The following TMEM245 variants were observed in gnomAD, a reference collection of about 807,000 sequenced individuals.
TMEM245 encodes transmembrane protein 245.
In TMEM245, 69 loss-of-function variants were observed where a neutral mutation model predicts 101.2. That is an observed-to-expected ratio of 0.68 (90% CI 0.56 to 0.83). TMEM245 has a LOEUF of 0.83. Among genes scored for constraint, TMEM245 ranks in the 40% least tolerant of loss-of-function variants. The probability of loss-of-function intolerance (pLI) is 0.00; values close to 1 mark genes in which losing one functional copy is unlikely to be tolerated. For synonymous variants in TMEM245, 537 were observed against 449.8 expected (o/e 1.19, Z -2.45); for missense variants, 1,075 against 1,092.8 (o/e 0.98, Z 0.23).
chr9:109,116,984 T>C (rs999597070), intron 1 of TMEM245, among the ~76,000 whole-genome samples: 1 of 152,190 alleles, frequency 6.6e-6, no homozygotes, highest in African/African-American at 2.4e-5. Context: ...CTTTCAAATT[T>C]AGCCCTTCTA....
intron 14 of TMEM245, among the ~76,000 whole-genome samples, chr9:109,040,958 G>A (rs1828283544): frequency 6.6e-6 from 1 of 152,148 alleles, no homozygotes; most frequent in African/African-American, 2.4e-5. Flanking sequence ...AAATACCTAG[G>A]AGTGGAGATA....
intron 3 of TMEM245, among the ~76,000 whole-genome samples, chr9:109,095,739 T>A (rs897515115): frequency 3.9e-5 from 6 of 152,176 alleles, no homozygotes; most frequent in Non-Finnish European, 8.8e-5. Flanking sequence ...ATTTGTCCAG[T>A]TTCCCCTGAC....
At chr9:109,044,765 T>G (rs1247662129) in intron 14 of TMEM245, among the ~76,000 whole-genome samples, 1 of 149,906 alleles carries the variant, frequency 6.7e-6, no homozygotes, top group African/African-American at 2.5e-5. Context: ...CATTTTGGTT[T>G]TTTTTTTTTT....
intron 12 of TMEM245, among the ~76,000 whole-genome samples, chr9:109,053,152 G>A (rs866648008): frequency 3.9e-4 from 60 of 152,294 alleles, no homozygotes; most frequent in African/African-American, 1.4e-3. Flanking sequence ...CAGGCTGGGT[G>A]CGGTGGCTCA....
intron 17 of TMEM245, among the ~76,000 whole-genome samples, chr9:109,025,117 T>G (rs1827755397): frequency 6.6e-6 from 1 of 152,150 alleles, no homozygotes; most frequent in African/African-American, 2.4e-5. Flanking sequence ...CAGCCCCAGT[T>G]TACTCTCTTT....
At position 109,021,510 on chromosome 9, in the gene TMEM245, TG is replaced by T. The variant is rs1414276493; in HGVS notation, c.2595-1006del. ...ACAGTTGGTTTTTTGTTTGTTTGTT[TG>T]TTTTGTTTTGTTTTGTTTTTTGAGA... is the stretch of plus-strand genomic sequence containing the variant. On this transcript the variant is annotated intron_variant, in intron 17 of 17. Transcript: ENST00000374586. Among the ~76,000 whole-genome samples the T allele has an allele frequency of 8.0e-5, 12 of 150,164 alleles. No homozygotes were observed. In the East Asian group the frequency reaches 2.3e-3, roughly 29 times the overall value.
At chr9:109,094,537 A>ATC (rs1256465847) in intron 3 of TMEM245, among the ~76,000 whole-genome samples, 2 of 152,162 alleles carry the variant, frequency 1.3e-5, no homozygotes, top group Non-Finnish European at 2.9e-5. Flanking sequence ...CTGATGTCTG[A>ATC]TCTCTAACTT....
intron 14 of TMEM245, among the ~76,000 whole-genome samples, chr9:109,046,502 C>G (rs770567834): frequency 1.3e-5 from 2 of 152,120 alleles, no homozygotes; most frequent in African/African-American, 2.4e-5. Context: ...GAGTAAGGTT[C>G]AAAACTTCAA....
intron 4 of TMEM245, among the ~76,000 whole-genome samples, chr9:109,093,069 G>A (rs907727010): frequency 3.3e-5 from 5 of 152,160 alleles, no homozygotes; most frequent in African/African-American, 1.2e-4. Context: ...AATCATGGAG[G>A]AGAACTGACA....
At chr9:109,073,233 A>T (rs926145591) in intron 9 of TMEM245, 123 bp downstream of exon 9, 27 of 740,126 alleles carry the variant, frequency 3.6e-5, no homozygotes, top group Non-Finnish European at 6.0e-5. Context: ...AATATTTATC[A>T]AAGCTCTGGC....
intron 14 of TMEM245, chr9:109,038,563 AG>A (rs1828209075): frequency 6.5e-6 from 1 of 154,844 alleles, no homozygotes; most frequent in Non-Finnish European, 1.4e-5. Context: ...AGAGCCAATA[AG>A]GGATAGTGTA....
chr9:109,114,906 A>G (rs957941822), intron 1 of TMEM245, among the ~76,000 whole-genome samples: 3 of 152,182 alleles, frequency 2.0e-5, no homozygotes, highest in African/African-American at 7.2e-5. Context: ...ATCTCCTAAC[A>G]TATTTGAAAC....
intron 2 of TMEM245, 66 bp from the exon 3 acceptor site, chr9:109,106,675 CAGT>C (rs1313276683): frequency 3.3e-6 from 4 of 1,209,096 alleles, no homozygotes; most frequent in Non-Finnish European, 4.7e-6. Context: ...TTACAAAACT[CAGT>C]TTTGTAGTTT....
At chr9:109,115,361 A>T (rs1228236340) in intron 1 of TMEM245, among the ~76,000 whole-genome samples, 2 of 151,884 alleles carry the variant, frequency 1.3e-5, no homozygotes, top group Non-Finnish European at 2.9e-5. Flanking sequence ...TAAGAAGAAA[A>T]AAGAAAAACA....
chr9:109,114,798 C>T (rs1039559026), intron 1 of TMEM245, among the ~76,000 whole-genome samples: 4 of 152,174 alleles, frequency 2.6e-5, no homozygotes, highest in African/African-American at 9.7e-5. Flanking sequence ...TGCACAGCTC[C>T]ACCATGGGAA....
In TMEM245 at chr9:109,113,078, C is replaced by T. The variant is rs534705879; in HGVS notation, c.580-4508G>A. The stretch of plus-strand genomic sequence containing the variant: ...GTGACAGAGCAAGGCTCCATCTCAG[C>T]GGGGCCAGGGGCAGGGCGGGGGAAG... On this transcript the variant is annotated intron_variant, in intron 1 of 17. Coordinates refer to ENST00000374586, the MANE Select transcript of TMEM245 (RefSeq NM_032012.4). Among the ~76,000 whole-genome samples the T allele has an allele frequency of 1.4e-3, 213 of 152,192 alleles. 3 individuals carry two copies. Among genetic ancestry groups the T allele is most frequent in the African/African-American group, 4.8e-3 (200 of 41,552 alleles).
At chr9:109,112,818 C>T (rs192154452) in intron 1 of TMEM245, among the ~76,000 whole-genome samples, 1 of 152,262 alleles carries the variant, frequency 6.6e-6, no homozygotes, top group East Asian at 1.9e-4. Context: ...TGGCTCATGC[C>T]TGTAATCCCA....
At chr9:109,103,883 C>A (rs778212860) in intron 3 of TMEM245, among the ~76,000 whole-genome samples, 1 of 151,996 alleles carries the variant, frequency 6.6e-6, no homozygotes, top group Non-Finnish European at 1.5e-5. Context: ...ATCAGGAGTT[C>A]GAGACCAGCC....
intron 14 of TMEM245, among the ~76,000 whole-genome samples, chr9:109,043,432 G>A (rs1828378046): frequency 6.6e-6 from 1 of 152,108 alleles, no homozygotes; most frequent in African/African-American, 2.4e-5. Flanking sequence ...CTTACATCAA[G>A]TTTACCAGTC....
Sources: allele counts gnomAD v4.1 joint callset (sites outside exome capture counted in the v4.1 genomes callset), GRCh38; gene constraint gnomAD v4.1.1; transcripts MANE v1.5; gene names NCBI Gene and HGNC (gene_info 2026-07-23, HGNC 2026-07-21).